The following PPP1R14C variants were observed in gnomAD, a reference collection of about 807,000 sequenced individuals.
The protein encoded by PPP1R14C is protein phosphatase 1 regulatory subunit 14C.
A neutral mutation model predicts 20.4 loss-of-function variants in PPP1R14C; 16 were observed. That is an observed-to-expected ratio of 0.78 (90% CI 0.53 to 1.19). The LOEUF (loss-of-function observed/expected upper bound fraction) is 1.19, where lower values mean the gene tolerates loss of function less well. Among genes scored for constraint, PPP1R14C ranks in the 50% most tolerant of loss-of-function variants. PPP1R14C has a pLI of 0.00. For missense variants in PPP1R14C, 211 were observed against 220.1 expected, an observed-to-expected ratio of 0.96 and a Z score of 0.26; for synonymous variants, 91 against 91.0, an observed-to-expected ratio of 1.00 and a Z score of 0.00.
chr6:150,210,595 CA>C (rs1206396752), intron 1 of PPP1R14C, among the ~76,000 whole-genome samples: 1 of 152,190 alleles, frequency 6.6e-6, no homozygotes, highest in Non-Finnish European at 1.5e-5. Context: ...CTCTGCAGGA[CA>C]AGGGGAACCG....
intron 1 of PPP1R14C, among the ~76,000 whole-genome samples, chr6:150,150,447 A>G (rs1777232274): frequency 6.6e-6 from 1 of 152,016 alleles, no homozygotes; most frequent in Admixed American, 6.6e-5. Flanking sequence ...CTGTGGGTAC[A>G]TGTTTGCTTT....
intron 1 of PPP1R14C, among the ~76,000 whole-genome samples, chr6:150,154,420 A>G (rs994143891): frequency 9.9e-5 from 15 of 152,222 alleles, no homozygotes; most frequent in African/African-American, 3.6e-4. Flanking sequence ...GACCAGCTAG[A>G]TGAGCTTGGC....
intron 1 of PPP1R14C, among the ~76,000 whole-genome samples, chr6:150,182,816 A>G (rs1452480652): frequency 6.6e-6 from 1 of 152,184 alleles, no homozygotes; most frequent in Admixed American, 6.5e-5. Flanking sequence ...TGATGTGTGA[A>G]CATCATAGAG....
intron 1 of PPP1R14C, among the ~76,000 whole-genome samples, chr6:150,209,049 C>G (rs1469950004): frequency 6.6e-6 from 1 of 152,148 alleles, no homozygotes; most frequent in Non-Finnish European, 1.5e-5. Context: ...GGCTATTGTT[C>G]AGATGAGTGT....
intron 1 of PPP1R14C, among the ~76,000 whole-genome samples, chr6:150,180,951 C>T (rs114240413): frequency 0.013 from 1,995 of 152,190 alleles, 46 homozygotes; most frequent in African/African-American, 0.045. Flanking sequence ...ACAGTGCATC[C>T]AAAATAAGGA....
At chr6:150,204,994 G>A (rs1451569161) in intron 1 of PPP1R14C, among the ~76,000 whole-genome samples, 1 of 102,080 alleles carries the variant, frequency 9.8e-6, no homozygotes, top group Non-Finnish European at 2.2e-5. Flanking sequence ...CCAACTCAGA[G>A]TCTTTTTTTT....
At chr6:150,163,086 T>A (rs752943082) in intron 1 of PPP1R14C, among the ~76,000 whole-genome samples, 14 of 152,110 alleles carry the variant, frequency 9.2e-5, no homozygotes, top group Non-Finnish European at 1.5e-4. Context: ...AATGAGAGTA[T>A]TTTCTTAAAA....
chr6:150,237,246 C>G (rs1258388300), intron 3 of PPP1R14C, among the ~76,000 whole-genome samples: 1 of 152,082 alleles, frequency 6.6e-6, no homozygotes, highest in Non-Finnish European at 1.5e-5. Context: ...CTCTGTTACC[C>G]AGGCTGGAGT....
At chr6:150,146,965 G>A (rs931580133) in intron 1 of PPP1R14C, among the ~76,000 whole-genome samples, 2 of 151,974 alleles carry the variant, frequency 1.3e-5, no homozygotes, top group African/African-American at 4.8e-5. Flanking sequence ...TGCTTTTATT[G>A]GATTCCAAAA....
rs529965947 is a variant in PPP1R14C, at chr6:150,236,773, G to A, written c.424-11973G>A. Among the ~76,000 whole-genome samples, 6 of 152,228 alleles carry A rather than the reference G, an allele frequency of 3.9e-5. No individual in the cohort carries two copies. The South Asian group carries it at 1.0e-3, about 26-fold the overall frequency. On this transcript the variant is annotated intron_variant, in intron 3 of 3. Transcript: ENST00000361131. ...TTGTAGTCCCTTGAGACGGGAGGTCGCACAGTCTGGGTGGCTCTGGAGTGG... is the reference window on the plus strand; with the variant it reads ...TTGTAGTCCCTTGAGACGGGAGGTCACACAGTCTGGGTGGCTCTGGAGTGG...
rs185676094 is a variant in PPP1R14C at position 150,231,986 on chromosome 6, C to T, written c.423+15130C>T. On this transcript the variant is annotated intron_variant, in intron 3 of 3. Coordinates refer to ENST00000361131, the MANE Select transcript of PPP1R14C (RefSeq NM_030949.3). Reference sequence around the variant, plus strand: ...TTGCCTTCCTTGTGTACAAGACTTTCTCCAAGAATATATAAGAAATGGAGT... The same window carrying T: ...TTGCCTTCCTTGTGTACAAGACTTTTTCCAAGAATATATAAGAAATGGAGT... Among the ~76,000 whole-genome samples, 64 of 152,338 alleles carry T rather than the reference C, an allele frequency of 4.2e-4. No homozygotes were observed. In the East Asian group the frequency reaches 0.01, roughly 25 times the overall value.
At chr6:150,228,420 A>G (rs1163843322) in intron 3 of PPP1R14C, among the ~76,000 whole-genome samples, 1 of 152,246 alleles carries the variant, frequency 6.6e-6, no homozygotes, top group African/African-American at 2.4e-5. Context: ...GACAGAGTCC[A>G]GGAAAGTGGC....
intron 3 of PPP1R14C, among the ~76,000 whole-genome samples, chr6:150,225,251 T>C (rs1052282423): frequency 6.6e-6 from 1 of 152,188 alleles, no homozygotes; most frequent in African/African-American, 2.4e-5. Context: ...TCAGGGGAAT[T>C]TTTCTCCAGT....
chr6:150,218,486 A>T (rs6934493), intron 3 of PPP1R14C, among the ~76,000 whole-genome samples: 32 of 94,280 alleles, frequency 3.4e-4, no homozygotes, highest in Non-Finnish European at 5.3e-4. Context: ...CCCCCCCCCC[A>T]AAAAAAAATT....
At chr6:150,232,919 G>A (rs569854957) in intron 3 of PPP1R14C, among the ~76,000 whole-genome samples, 3 of 152,320 alleles carry the variant, frequency 2.0e-5, no homozygotes, top group Non-Finnish European at 2.9e-5. Flanking sequence ...AAGAGATCTC[G>A]ATGATGATTT....
rs777694831 is a variant in PPP1R14C at position 150,143,406 on chromosome 6, G to A, written c.214G>A (p.Val72Met). ...QQQRRHQQGK[V>M]TVKYDRKELR... ...GCAGCGGCGACACCAGCAGGGAAAA[G>A]TGACAGTGAAATACGATCGTAAGGA... is the stretch of plus-strand genomic sequence containing the variant. Residue 72 changes from valine to methionine, a missense_variant, in exon 1 of 4, where the codon GTG becomes ATG. Transcript: ENST00000361131. This position sits in a 1 kb window ranked among gnomAD's most constrained non-coding sequence, Gnocchi z 5.6. 2 of 1,612,694 alleles carry A rather than the reference G, an allele frequency of 1.2e-6. No individual in the cohort carries two copies. The highest frequency in any genetic ancestry group is 2.2e-5 in the South Asian group (2 of 90,778).
intron 1 of PPP1R14C, chr6:150,164,685 C>T (rs1777405639): frequency 5.7e-6 from 1 of 174,284 alleles, no homozygotes; most frequent in Admixed American, 5.3e-5. Flanking sequence ...ACCCATCTGA[C>T]CTGAATTTGG....
In PPP1R14C at chr6:150,238,003, C is replaced by T. The variant is rs146754402; in HGVS notation, c.424-10743C>T. Among the ~76,000 whole-genome samples, 45 of 152,302 alleles carry T rather than the reference C, an allele frequency of 3.0e-4. 2 individuals carry two copies. In the East Asian group the frequency reaches 7.5e-3, roughly 26 times the overall value. ...TACGATCCATAGTCCTCAGGACACA[C>T]GGCCCCAGCCTCATCACAAGCAGTA... On this transcript the variant is annotated intron_variant, in intron 3 of 3. Transcript: ENST00000361131.
chr6:150,175,087 A>G (rs987394991), intron 1 of PPP1R14C, among the ~76,000 whole-genome samples: 5 of 152,218 alleles, frequency 3.3e-5, no homozygotes, highest in Non-Finnish European at 7.3e-5. Flanking sequence ...GTGTTGACCA[A>G]ATAATAAAAC....
Sources: gnomAD v4.1 joint callset for allele counts (sites outside exome capture counted in the v4.1 genomes callset) on GRCh38, gnomAD v4.1.1 for gene constraint, Gnocchi (gnomAD v3.1) non-coding constraint, MANE v1.5 for transcripts, NCBI Gene and HGNC (gene_info 2026-07-23, HGNC 2026-07-21) for gene names.